UGGT2: variants seen among roughly 807,000 people sequenced by gnomAD.
The protein encoded by UGGT2 is UDP-glucose glycoprotein glucosyltransferase 2.
A neutral mutation model predicts 192.1 loss-of-function variants in UGGT2; 180 were observed. The ratio of observed to expected loss-of-function variants is 0.94; its 90% confidence interval spans 0.83 to 1.06. The LOEUF (loss-of-function observed/expected upper bound fraction) is 1.06, where lower values mean the gene tolerates loss of function less well. Ranked by LOEUF, UGGT2 falls within the 50% of genes least tolerant of loss-of-function variation. The probability of loss-of-function intolerance (pLI) is 0.00; values close to 1 mark genes in which losing one functional copy is unlikely to be tolerated. For synonymous variants in UGGT2, 580 were observed against 591.0 expected, an observed-to-expected ratio of 0.98 and a Z score of 0.27; for missense variants, 1,849 against 1,795.7, an observed-to-expected ratio of 1.03 and a Z score of -0.54.
chr13:96,012,196 T>G (rs578021364), intron 5 of UGGT2, among the ~76,000 whole-genome samples: 1 of 152,164 alleles, frequency 6.6e-6, no homozygotes, highest in African/African-American at 2.4e-5. Context: ...GAATAAAGAC[T>G]TGACTGTTCA....
chr13:95,834,953 C>G (rs941732005), intron 37 of UGGT2, among the ~76,000 whole-genome samples: 3 of 151,978 alleles, frequency 2.0e-5, no homozygotes, highest in African/African-American at 7.3e-5. Flanking sequence ...CTAAATTTTT[C>G]TAGTAGCCAT....
intron 12 of UGGT2, among the ~76,000 whole-genome samples, chr13:95,959,767 G>C (rs540148614): frequency 6.6e-6 from 1 of 152,250 alleles, no homozygotes; most frequent in Non-Finnish European, 1.5e-5. Context: ...ACCTACCACT[G>C]TCATTCCCAG....
chr13:95,840,854 T>C (rs1027860790), intron 36 of UGGT2, among the ~76,000 whole-genome samples: 7 of 152,176 alleles, frequency 4.6e-5, no homozygotes, highest in Non-Finnish European at 1.0e-4. Context: ...ACATATACCA[T>C]GGAATACTAT....
chr13:95,811,912 A>G (rs1461284001), intron 38 of UGGT2, among the ~76,000 whole-genome samples: 11 of 152,068 alleles, frequency 7.2e-5, no homozygotes, highest in Non-Finnish European at 1.5e-5. Flanking sequence ...GAATTTGAAG[A>G]AAAAAACCCA....
intron 6 of UGGT2, among the ~76,000 whole-genome samples, chr13:95,998,762 C>T (rs2051704277): frequency 6.6e-6 from 1 of 152,026 alleles, no homozygotes; most frequent in African/African-American, 2.4e-5. Flanking sequence ...ATTCATAGGA[C>T]TCTCTCATCC....
At chr13:95,887,021 T>A (rs1380977057) in intron 26 of UGGT2, among the ~76,000 whole-genome samples, 1 of 152,064 alleles carries the variant, frequency 6.6e-6, no homozygotes. Context: ...TGCCCCAGCC[T>A]GGACAATGGG....
intron 38 of UGGT2, among the ~76,000 whole-genome samples, chr13:95,811,122 G>A (rs1884559896): frequency 6.6e-6 from 1 of 152,060 alleles, no homozygotes; most frequent in African/African-American, 2.4e-5. Flanking sequence ...AAGGATGTAG[G>A]GAGATTAGAA....
rs752487459 is a variant in UGGT2 at position 95,949,443 on chromosome 13, G to T, written c.1347C>A (p.Asp449Glu). The part of the protein sequence containing the change: ...IRHSSIMWIN[D>E]LENDDLYITW... ...TAATATACAAATCATCATTTTCTAA[G>T]TCATTAATCCACTAGAAAAGAACGC... is the stretch of plus-strand genomic sequence containing the variant. The change falls in exon 13 of 39, where the codon GAC becomes GAA. Residue 449 changes from aspartate (D) to glutamate (E), a missense_variant. Coordinates refer to ENST00000376747, the MANE Select transcript of UGGT2 (RefSeq NM_020121.4). 1 of 1,517,680 alleles carries T rather than the reference G, an allele frequency of 6.6e-7. No individual in the cohort carries two copies. The highest frequency in any genetic ancestry group is 2.4e-5 in the East Asian group (1 of 42,322). The allele number at this position is 1,517,680 out of a possible 1,614,324, so 94.0% of individuals were successfully genotyped here. A position where few individuals can be genotyped will look rare whatever the true frequency, so the allele number is the denominator to read the frequency against.
intron 20 of UGGT2, among the ~76,000 whole-genome samples, chr13:95,922,864 T>TA (rs2048891196): frequency 6.6e-6 from 1 of 151,982 alleles, no homozygotes; most frequent in East Asian, 1.9e-4. Flanking sequence ...CAAAAAAATT[T>TA]AAAAAAAGAA....
chr13:95,832,231 C>T (rs920971402), intron 38 of UGGT2, among the ~76,000 whole-genome samples: 6 of 151,590 alleles, frequency 4.0e-5, no homozygotes, highest in Non-Finnish European at 5.9e-5. Flanking sequence ...ACACACTGAC[C>T]CGAACACAAT....
At chr13:95,992,960 T>C (rs1408138698) in intron 7 of UGGT2, among the ~76,000 whole-genome samples, 1 of 152,164 alleles carries the variant, frequency 6.6e-6, no homozygotes, top group African/African-American at 2.4e-5. Flanking sequence ...CAAAAAGACA[T>C]ATGCACTCAT....
At chr13:95,806,075 T>C (rs1594047266) in intron 38 of UGGT2, among the ~76,000 whole-genome samples, 1 of 115,402 alleles carries the variant, frequency 8.7e-6, no homozygotes, top group African/African-American at 3.4e-5. Context: ...AAAAAAAAAG[T>C]CCAAGGCTAA....
At chr13:95,846,856 T>C (rs1295897105) in intron 36 of UGGT2, among the ~76,000 whole-genome samples, 3 of 152,190 alleles carry the variant, frequency 2.0e-5, no homozygotes, top group African/African-American at 4.8e-5. Context: ...TTGATTCTAA[T>C]AGTCCCTTGA....
Position 95,972,589 on chromosome 13 carries a change from T to C in UGGT2, c.1175A>G (p.Asp392Gly). The change falls in exon 11 of 39, where the codon GAC becomes GGC. Residue 392 changes from aspartate (D) to glycine (G), a missense_variant. By Grantham distance (94) the Asp-to-Gly change is moderately conservative (BLOSUM62 -1). Transcript: ENST00000376747. ...NGLRVDMDVY[D>G]AFSILDMLKL... ...ATAATTTAATACTTACCTAAAAGCG[T>C]CATAAACATCCATATCAACACGAAG... 6.2e-7 allele frequency: 1 copy of C among 1,611,864 alleles called. No homozygotes were observed. Among genetic ancestry groups the C allele is most frequent in the Non-Finnish European group, 8.5e-7 (1 of 1,178,572 alleles).
At chr13:95,878,531 T>A (rs957832092) in intron 27 of UGGT2, among the ~76,000 whole-genome samples, 1 of 152,162 alleles carries the variant, frequency 6.6e-6, no homozygotes, top group Non-Finnish European at 1.5e-5. Context: ...ATTCCAGTTG[T>A]TTCTGGATTT....
intron 20 of UGGT2, among the ~76,000 whole-genome samples, chr13:95,903,990 G>C (rs2048191347): frequency 6.6e-6 from 1 of 151,910 alleles, no homozygotes; most frequent in Non-Finnish European, 1.5e-5. Context: ...TATGTTCTTT[G>C]GCTTCTTTTA....
chr13:95,936,715 A>G (rs2049476511), intron 17 of UGGT2, among the ~76,000 whole-genome samples: 1 of 152,256 alleles, frequency 6.6e-6, no homozygotes, highest in Non-Finnish European at 1.5e-5. Flanking sequence ...CTGCCTGGGC[A>G]TGGAGTATAA....
chr13:96,053,042 G>T (rs576937518), intron 1 of UGGT2, 113 bp downstream of exon 1: 39 of 1,334,456 alleles, frequency 2.9e-5, no homozygotes, highest in Admixed American at 6.9e-5. Flanking sequence ...CAGAGCGGGG[G>T]CGTCTGGAGA....
intron 20 of UGGT2, among the ~76,000 whole-genome samples, chr13:95,907,078 C>A (rs2048315343): frequency 6.6e-6 from 1 of 152,224 alleles, no homozygotes; most frequent in Non-Finnish European, 1.5e-5. Flanking sequence ...TTCCCAAGGT[C>A]TTAGCAACCA....
Sources: allele counts gnomAD v4.1 joint callset (sites outside exome capture counted in the v4.1 genomes callset), GRCh38; gene constraint gnomAD v4.1.1; transcripts MANE v1.5; gene names NCBI Gene and HGNC (gene_info 2026-07-23, HGNC 2026-07-21).